MMP9: variants seen among roughly 807,000 people sequenced by gnomAD.
MMP9 encodes matrix metalloproteinase-9.
In MMP9, 73 loss-of-function variants were observed where a neutral mutation model predicts 76.4. The ratio of observed to expected loss-of-function variants is 0.96; its 90% CI spans 0.79 to 1.16. The LOEUF is 1.16. MMP9 is among the 50% of genes most tolerant of loss of function. The pLI is 0.00. For synonymous variants in MMP9, 412 were observed against 408.4 expected (o/e 1.01, Z -0.11); for missense variants, 943 against 973.0 (o/e 0.97, Z 0.41).
chr20:46,009,129 G>A lies in MMP9; in HGVS notation c.138+65G>A, dbSNP rs1300598949. On this transcript the variant is annotated intron_variant, in intron 1 of 12. Coordinates refer to ENST00000372330, the MANE Select transcript of MMP9 (RefSeq NM_004994.3). Reference sequence around the variant, plus strand: ...GTGAGGGTGTTGAGTGTCCCAGAGAGGATGCAGGGCCTCAGAGGAGATGCT... The same window carrying A: ...GTGAGGGTGTTGAGTGTCCCAGAGAAGATGCAGGGCCTCAGAGGAGATGCT... 28 of 1,549,032 alleles carry A rather than the reference G, an allele frequency of 1.8e-5. No homozygotes were observed. In the South Asian group the frequency reaches 2.3e-4, roughly 13 times the overall value.
rs373264777 is a variant in MMP9 at position 46,010,910 on chromosome 20, C to G, written c.521-12C>G. On this transcript the variant is annotated splice_polypyrimidine_tract_variant and intron_variant, in intron 3 of 12. Transcript: ENST00000372330. ...CTCGGCTAACCCTCTTCCTCTCGAC[C>G]TGTTTCTTCAGAGCACGGAGACGGG... is the stretch of plus-strand genomic sequence containing the variant. 1.1e-5 allele frequency: 17 copies of G among 1,614,244 alleles called. No homozygotes were observed. The highest frequency in any genetic ancestry group is 1.4e-5 in the Non-Finnish European group (16 of 1,180,052).
At chr20:46,012,618 AG>A (rs955446794) in intron 8 of MMP9, 36 bp downstream of exon 8, 1 of 1,367,302 alleles carries the variant, frequency 7.3e-7, no homozygotes, top group African/African-American at 1.6e-5. Flanking sequence ...AGGAGGGGAA[AG>A]GGCGTGGCTG....
rs748857076 is a variant in MMP9, at chr20:46,012,535, GGCCC to G, written c.1284_1287del (p.Pro430CysfsTer6). On this transcript the variant is annotated frameshift_variant, in exon 8 of 13. Coordinates refer to ENST00000372330, the MANE Select transcript of MMP9 (RefSeq NM_004994.3). LOFTEE classifies it high-confidence loss of function. ...TACCCTATGTACCGCTTCACTGAGG[GGCCC>G]CCCTTGCATAAGGACGACGTGAATG... 2.5e-6 allele frequency: 4 copies of G among 1,614,006 alleles called. No homozygotes were observed. In the East Asian group the frequency reaches 8.9e-5, roughly 36 times the overall value.
intron 12 of MMP9, chr20:46,014,757 C>A (rs1193545253): frequency 2.0e-6 from 1 of 510,096 alleles, no homozygotes; most frequent in Non-Finnish European, 3.6e-6. Context: ...AGACAACAGT[C>A]ATCAAGTGCC....
chr20:46,014,228 A>C lies in MMP9; in HGVS notation c.1855A>C (p.Ser619Arg). The C allele has an allele frequency of 6.7e-7, 1 of 1,483,010 alleles. No homozygotes were observed. 91.9% of individuals were successfully genotyped at this position (1,483,010 alleles called of 1,614,324 possible). Residue 619 changes from serine (S) to arginine (R), a missense_variant, in exon 11 of 13, where the codon AGT becomes CGT. Coordinates refer to ENST00000372330, the MANE Select transcript of MMP9 (RefSeq NM_004994.3). ...DVAQVTGALR[S>R]GRGKMLLFSG... ...GGCCCAGGTGACCGGGGCCCTCCGG[A>C]GTGGCAGGGGGAAGATGCTGCTGTT...
intron 5 of MMP9, 125 bp from the exon 6 acceptor site, chr20:46,011,449 T>C: frequency 7.7e-6 from 12 of 1,563,866 alleles, no homozygotes; most frequent in Non-Finnish European, 1.1e-5. Flanking sequence ...AATTTTCTCA[T>C]CTGAGAAATG....
chr20:46,009,961 G>A lies in MMP9; in HGVS notation c.234G>A (p.Leu78=), dbSNP rs1367086194. ...GPALLLLQKQ[L]SLPETGELDS... Reference sequence around the variant, plus strand: ...CGCTGCTGCTTCTCCAGAAGCAACTGTCCCTGCCCGAGACCGGTGAGCTGG... The same window carrying A: ...CGCTGCTGCTTCTCCAGAAGCAACTATCCCTGCCCGAGACCGGTGAGCTGG... The change falls in exon 2 of 13, where the codon CTG becomes CTA. Residue 78 remains leucine, a synonymous_variant. Coordinates refer to ENST00000372330, the MANE Select transcript of MMP9 (RefSeq NM_004994.3). The A allele has an allele frequency of 6.4e-7, 1 of 1,551,982 alleles. No homozygotes were observed. Among genetic ancestry groups the A allele is most frequent in the Non-Finnish European group, 8.7e-7 (1 of 1,147,102 alleles).
intron 3 of MMP9, 60 bp downstream of exon 3, chr20:46,010,691 A>T: frequency 1.9e-6 from 3 of 1,573,356 alleles, no homozygotes; most frequent in Non-Finnish European, 2.6e-6. Context: ...AGGGAGGACC[A>T]CGGAGAGCGT....
rs1600577381 is a variant in MMP9, at chr20:46,014,595, A to T, written c.2005+121A>T. ...TGGAAACAAATGCCCCAGCACAGACAAGATCCCAGCAGAGGCAGAGGCCTT... is the reference window on the plus strand; with the variant it reads ...TGGAAACAAATGCCCCAGCACAGACTAGATCCCAGCAGAGGCAGAGGCCTT... On this transcript the variant is annotated intron_variant, in intron 12 of 12. Coordinates refer to ENST00000372330, the MANE Select transcript of MMP9 (RefSeq NM_004994.3). 3.7e-6 allele frequency: 4 copies of T among 1,069,910 alleles called. No individual in the cohort carries two copies. The East Asian group carries it at 1.0e-4, about 28-fold the overall frequency. 66.3% of individuals were successfully genotyped at this position (1,069,910 alleles called of 1,614,324 possible).
rs745551108 is a variant in MMP9, at chr20:46,014,176, G to A, written c.1803G>A (p.Leu601=). Residue 601 remains leucine (L), a synonymous_variant, in exon 11 of 13, where the codon CTG becomes CTA. Coordinates refer to ENST00000372330, the MANE Select transcript of MMP9 (RefSeq NM_004994.3). ...CGTCGGTGCTGGGCCCGAGGCGTCT[G>A]GACAAGCTGGGCCTGGGAGCCGACG... ...TGASVLGPRR[L]DKLGLGADVA... 6 of 1,538,840 alleles carry A rather than the reference G, an allele frequency of 3.9e-6. No individual in the cohort carries two copies. In the South Asian group the frequency reaches 7.1e-5, roughly 18 times the overall value.
In MMP9 at chr20:46,012,328, G is replaced by C; in HGVS notation, c.1174+15G>C. 1 of 1,612,670 alleles carries C rather than the reference G, an allele frequency of 6.2e-7. No homozygotes were observed. The highest frequency in any genetic ancestry group is 1.1e-5 in the South Asian group (1 of 91,074). On this transcript the variant is annotated intron_variant, in intron 7 of 12. Transcript: ENST00000372330. ...CCCGGACCAAGGTAGGCGTGGTCCC[G>C]CGGCTCCGGGGCTGGGGTTCCCGGC...
In MMP9 at chr20:46,011,572, A is replaced by G. The variant is rs774152169; in HGVS notation, c.824-2A>G. 4 of 1,613,810 alleles carry G rather than the reference A, an allele frequency of 2.5e-6. No homozygotes were observed. Among genetic ancestry groups the G allele is most frequent in the Non-Finnish European group, 3.4e-6 (4 of 1,179,940 alleles). On this transcript the variant is annotated splice_acceptor_variant, in intron 5 of 12. Coordinates refer to ENST00000372330, the MANE Select transcript of MMP9 (RefSeq NM_004994.3). LOFTEE classifies it high-confidence loss of function. ...CCCTTTCCCACATCCTCCTCGCCCC[A>G]GGACTCTACACCCAGGACGGCAATG...
intron 1 of MMP9, 91 bp from the exon 2 acceptor site, chr20:46,009,775 C>T (rs1202177385): frequency 2.4e-5 from 27 of 1,108,400 alleles, no homozygotes; most frequent in Non-Finnish European, 3.4e-5. Context: ...AAAAAGACTC[C>T]CTCCATGAGT....
In MMP9 at chr20:46,010,321, C is replaced by CAAAAAAAAAAAAAAAAA. The variant is rs58031394; in HGVS notation, c.372-158_372-142dup. Among the ~76,000 whole-genome samples, 96 of 62,406 alleles carry CAAAAAAAAAAAAAAAAA rather than the reference C, an allele frequency of 1.5e-3. 14 individuals are homozygous for CAAAAAAAAAAAAAAAAA. Among genetic ancestry groups the CAAAAAAAAAAAAAAAAA allele is most frequent in the South Asian group, 3.0e-3 (5 of 1,668 alleles). The allele number at this position is 62,406 out of a possible 152,430, so 40.9% of individuals were successfully genotyped here. ...GGGCCATTGTGAGGGTCTAAGTAGACAAAAAAAAAAAAAAAAAAAACAGTC... is the reference window on the plus strand; with the variant it reads ...GGGCCATTGTGAGGGTCTAAGTAGACAAAAAAAAAAAAAAAAAAAAAAAAAAAAAAAAAAAAACAGTC... On this transcript the variant is annotated intron_variant, in intron 2 of 12. Coordinates refer to ENST00000372330, the MANE Select transcript of MMP9 (RefSeq NM_004994.3).
chr20:46,008,947 G>T lies in MMP9; in HGVS notation c.21G>T (p.Leu7=). MSLWQP[L]VLVLLVLGCC... is the part of the protein sequence containing the mutation. ...TCACCATGAGCCTCTGGCAGCCCCT[G>T]GTCCTGGTGCTCCTGGTGCTGGGCT... Residue 7 remains leucine, a synonymous_variant, in exon 1 of 13, where the codon CTG becomes CTT. Coordinates refer to ENST00000372330, the MANE Select transcript of MMP9 (RefSeq NM_004994.3). 1 of 1,613,932 alleles carries T rather than the reference G, an allele frequency of 6.2e-7. No individual in the cohort carries two copies. Among genetic ancestry groups the T allele is most frequent in the South Asian group, 1.1e-5 (1 of 91,066 alleles).
Position 46,013,956 on chromosome 20 carries a change from C to T in MMP9, c.1750+160C>T, listed in dbSNP as rs2145456086. The T allele has an allele frequency of 2.2e-6, 3 of 1,389,760 alleles. No individual in the cohort carries two copies. The highest frequency in any genetic ancestry group is 2.9e-6 in the Non-Finnish European group (3 of 1,024,148). 86.1% of individuals were successfully genotyped at this position (1,389,760 alleles called of 1,614,324 possible). A position where few individuals can be genotyped will look rare whatever the true frequency, so the allele number is the denominator to read the frequency against. On this transcript the variant is annotated intron_variant, in intron 10 of 12. Coordinates refer to ENST00000372330, the MANE Select transcript of MMP9 (RefSeq NM_004994.3). The surrounding 1 kb of genome is among the most constrained non-coding windows in gnomAD (Gnocchi z 4.5). ...CGTAGGGGCGGCTGAGTTTCTGCCC[C>T]CTCCTCTCCACGCCCTCGCGTCGCT...
In MMP9 at chr20:46,010,949, G is replaced by A. The variant is rs201932479; in HGVS notation, c.548G>A (p.Gly183Glu). 18 of 1,614,120 alleles carry A rather than the reference G, an allele frequency of 1.1e-5. No homozygotes were observed. The highest frequency in any genetic ancestry group is 1.5e-5 in the Non-Finnish European group (18 of 1,180,054). Reference sequence around the variant, plus strand: ...CACGGAGACGGGTATCCCTTCGACGGGAAGGACGGGCTCCTGGCACACGCC... The same window carrying A: ...CACGGAGACGGGTATCCCTTCGACGAGAAGGACGGGCTCCTGGCACACGCC... The part of the protein sequence containing the change: ...AEHGDGYPFD[G>E]KDGLLAHAFP... The change falls in exon 4 of 13, where the codon GGG becomes GAG. Residue 183 changes from glycine (G) to glutamate (E), a missense_variant. Coordinates refer to ENST00000372330, the MANE Select transcript of MMP9 (RefSeq NM_004994.3).
intron 6 of MMP9, 100 bp from the exon 7 acceptor site, chr20:46,012,037 C>T: frequency 6.7e-7 from 1 of 1,482,686 alleles, no homozygotes; most frequent in Non-Finnish European, 9.2e-7. Context: ...TCTACAGCGC[C>T]CCCTAGGCCA....
rs746759681 is a variant in MMP9 at position 46,010,530 on chromosome 20, C to T, written c.419C>T (p.Ala140Val). Reference sequence around the variant, plus strand: ...TTGCCGCGGGCGGTGATTGACGACGCCTTTGCCCGCGCCTTCGCACTGTGG... The same window carrying T: ...TTGCCGCGGGCGGTGATTGACGACGTCTTTGCCCGCGCCTTCGCACTGTGG... The part of the protein sequence containing the change: ...EDLPRAVIDD[A>V]FARAFALWSA... Residue 140 changes from alanine (A) to valine (V), a missense_variant, in exon 3 of 13, where the codon GCC becomes GTC. Transcript: ENST00000372330. 1.2e-6 allele frequency: 2 copies of T among 1,614,224 alleles called. No individual in the cohort carries two copies. Among genetic ancestry groups the T allele is most frequent in the Non-Finnish European group, 1.7e-6 (2 of 1,180,048 alleles).
Sources: allele counts gnomAD v4.1 joint callset (sites outside exome capture counted in the v4.1 genomes callset), GRCh38; gene constraint gnomAD v4.1.1; non-coding constraint Gnocchi (gnomAD v3.1); transcripts MANE v1.5; gene names NCBI Gene and HGNC (gene_info 2026-07-23, HGNC 2026-07-21).